The following KCNIP1 variants were observed in gnomAD, a reference collection of about 807,000 sequenced individuals.
KCNIP1 encodes potassium voltage-gated channel interacting protein 1.
Under a neutral mutation model 33.0 loss-of-function variants are expected in KCNIP1, and 18 were observed. The observed-to-expected ratio is 0.55, with a 90% CI of 0.38 to 0.81. KCNIP1 has a LOEUF of 0.81. Among genes scored for constraint, KCNIP1 ranks in the 30% least tolerant of loss-of-function variants. KCNIP1 has a pLI of 0.00. For synonymous variants in KCNIP1, 93 were observed against 98.3 expected, an observed-to-expected ratio of 0.95 and a Z score of 0.32; for missense variants, 238 against 271.6, an observed-to-expected ratio of 0.88 and a Z score of 0.87.
chr5:170,506,092 C>A (rs527239878), intron 1 of KCNIP1, among the ~76,000 whole-genome samples: 1 of 152,146 alleles, frequency 6.6e-6, no homozygotes, highest in Non-Finnish European at 1.5e-5. Context: ...GACCACCATG[C>A]GGTCTCAGAG....
At chr5:170,562,780 A>G (rs1375656415) in intron 1 of KCNIP1, among the ~76,000 whole-genome samples, 1 of 152,234 alleles carries the variant, frequency 6.6e-6, no homozygotes. Flanking sequence ...TCCAGAGCCC[A>G]GGGCTCTAAG....
chr5:170,510,748 T>C (rs551759080), intron 1 of KCNIP1, among the ~76,000 whole-genome samples: 2 of 152,284 alleles, frequency 1.3e-5, no homozygotes, highest in East Asian at 1.9e-4. Flanking sequence ...AAAAGCCTCA[T>C]TGGTGCGGTG....
intron 1 of KCNIP1, among the ~76,000 whole-genome samples, chr5:170,664,861 A>G (rs1391376095): frequency 6.6e-6 from 1 of 152,182 alleles, no homozygotes; most frequent in Non-Finnish European, 1.5e-5. Context: ...GTCTCTCTAC[A>G]GAGGTGGTAT....
chr5:170,598,904 CGTGTGTGT>C (rs70979192), intron 1 of KCNIP1, among the ~76,000 whole-genome samples: 154 of 133,870 alleles, frequency 1.2e-3, no homozygotes, highest in South Asian at 4.0e-3. Flanking sequence ...TGTGTGTGCG[CGTGTGTGT>C]GTGTGTGTGT....
intron 1 of KCNIP1, among the ~76,000 whole-genome samples, chr5:170,540,932 C>A (rs1288770093): frequency 6.6e-6 from 1 of 152,198 alleles, no homozygotes; most frequent in Non-Finnish European, 1.5e-5. Context: ...CATTTCTGCA[C>A]TGGATATGAA....
chr5:170,597,784 A>AATAGATATATATATATAT, intron 1 of KCNIP1, among the ~76,000 whole-genome samples: 1 of 134,482 alleles, frequency 7.4e-6, no homozygotes, highest in African/African-American at 3.1e-5. Flanking sequence ...GAGAGAGATA[A>AATAGATATATATATATAT]ATATATATAT....
At chr5:170,598,934 T>TGC in intron 1 of KCNIP1, among the ~76,000 whole-genome samples, 1 of 150,958 alleles carries the variant, frequency 6.6e-6, no homozygotes, top group African/African-American at 2.4e-5. Context: ...TGTGTGTGTG[T>TGC]GTGTGTGTTT....
intron 1 of KCNIP1, among the ~76,000 whole-genome samples, chr5:170,569,295 C>T (rs758744104): frequency 6.6e-6 from 1 of 152,232 alleles, no homozygotes; most frequent in Non-Finnish European, 1.5e-5. Context: ...TGCACCCCCA[C>T]CCCCCGCTGC....
chr5:170,655,065 G>A (rs1466945374), intron 1 of KCNIP1, among the ~76,000 whole-genome samples: 2 of 152,084 alleles, frequency 1.3e-5, no homozygotes, highest in Admixed American at 6.5e-5. Flanking sequence ...AATGACTTAA[G>A]TGGCTCTGGA....
intron 1 of KCNIP1, among the ~76,000 whole-genome samples, chr5:170,415,692 C>T (rs554414418): frequency 2.2e-4 from 34 of 152,326 alleles, no homozygotes; most frequent in African/African-American, 7.7e-4. Flanking sequence ...GTGTCTCTCT[C>T]GTTTGCTGTC....
chr5:170,480,214 C>T (rs1474163060), intron 1 of KCNIP1, among the ~76,000 whole-genome samples: 2 of 152,154 alleles, frequency 1.3e-5, no homozygotes, highest in Admixed American at 6.5e-5. Flanking sequence ...TCAATGCGAT[C>T]GTTTCCTAGG....
chr5:170,580,011 T>C (rs1460473897), intron 1 of KCNIP1, among the ~76,000 whole-genome samples: 1 of 152,010 alleles, frequency 6.6e-6, no homozygotes, highest in Non-Finnish European at 1.5e-5. Flanking sequence ...TTCACAGATA[T>C]GCTTGGTGCT....
chr5:170,370,967 AT>A lies in KCNIP1; in HGVS notation c.88+17004del, dbSNP rs1478302048. On this transcript the variant is annotated intron_variant, in intron 1 of 7. Coordinates refer to the KCNIP1 transcript ENST00000377360. ...TAGTAAAAGAGGACTCTGAGGCAATATGTAAGCAAGCATGCTGTCAACTCCT... is the reference window on the plus strand; with the variant it reads ...TAGTAAAAGAGGACTCTGAGGCAATAGTAAGCAAGCATGCTGTCAACTCCT... Among the ~76,000 whole-genome samples the A allele has an allele frequency of 6.6e-5, 10 of 152,358 alleles. 1 individual carries two copies. In the South Asian group the frequency reaches 1.7e-3, roughly 25 times the overall value.
chr5:170,651,917 T>A (rs982266531), intron 1 of KCNIP1, among the ~76,000 whole-genome samples: 1 of 152,252 alleles, frequency 6.6e-6, no homozygotes, highest in Non-Finnish European at 1.5e-5. Flanking sequence ...CACGTGCCAC[T>A]GTTGGGTAAT....
At chr5:170,526,667 A>G (rs1581274385) in intron 1 of KCNIP1, among the ~76,000 whole-genome samples, 1 of 148,220 alleles carries the variant, frequency 6.7e-6, no homozygotes, top group Non-Finnish European at 1.5e-5. Flanking sequence ...GCCTGTCCCC[A>G]CTGATGGGAC....
intron 1 of KCNIP1, among the ~76,000 whole-genome samples, chr5:170,641,353 C>T (rs1760546889): frequency 6.6e-6 from 1 of 152,192 alleles, no homozygotes; most frequent in Non-Finnish European, 1.5e-5. Context: ...GAAGCCTTTT[C>T]AGAGCCTGCC....
rs1554103531 is a variant in KCNIP1 at position 170,597,820 on chromosome 5, T to TGAAA, written c.61+93187_61+93188insGAAA. On this transcript the variant is annotated intron_variant, in intron 1 of 7. Transcript: ENST00000328939. ...ATATATATATATATATATATATATA[T>TGAAA]ATATATATATGAAAGAAAGAAAGAA... is the stretch of plus-strand genomic sequence containing the variant. Among the ~76,000 whole-genome samples the TGAAA allele has an allele frequency of 2.5e-3, 139 of 56,360 alleles. 3 individuals are homozygous for TGAAA. Among genetic ancestry groups the TGAAA allele is most frequent in the Middle Eastern group, 0.022 (2 of 90 alleles). 37.0% of individuals were successfully genotyped at this position (56,360 alleles called of 152,430 possible). A position where few individuals can be genotyped will look rare whatever the true frequency, so the allele number is the denominator to read the frequency against.
At chr5:170,727,472 T>C (rs1272333149) in intron 5 of KCNIP1, among the ~76,000 whole-genome samples, 1 of 152,208 alleles carries the variant, frequency 6.6e-6, no homozygotes, top group Non-Finnish European at 1.5e-5. Flanking sequence ...CTCCAATAAA[T>C]TTGATTTATT....
At chr5:170,674,980 T>G (rs563287479) in intron 1 of KCNIP1, among the ~76,000 whole-genome samples, 82 of 148,784 alleles carry the variant, frequency 5.5e-4, no homozygotes, top group Non-Finnish European at 8.5e-4. Flanking sequence ...GTTTTGTTTT[T>G]TTTTTTTTAA....
Sources: gnomAD v4.1 joint callset for allele counts (sites outside exome capture counted in the v4.1 genomes callset) on GRCh38, gnomAD v4.1.1 for gene constraint, MANE v1.5 for transcripts, NCBI Gene and HGNC (gene_info 2026-07-23, HGNC 2026-07-21) for gene names.